GSTA2: variants seen among roughly 807,000 people sequenced by gnomAD.
GSTA2 encodes the protein glutathione S-transferase A2.
GSTA2 carries 27 observed loss-of-function variants against 22.4 expected under a neutral mutation model. The ratio of observed to expected loss-of-function variants is 1.21; its 90% confidence interval spans 0.89 to 1.67. The LOEUF (loss-of-function observed/expected upper bound fraction) is 1.67, where lower values mean the gene tolerates loss of function less well. Among genes scored for constraint, GSTA2 ranks in the 40% most tolerant of loss-of-function variants. The pLI, the probability that GSTA2 is intolerant of heterozygous loss-of-function variation, is 0.00. For synonymous variants in GSTA2, 121 were observed against 86.8 expected, an observed-to-expected ratio of 1.39 and a Z score of -2.19; for missense variants, 302 against 260.2, an observed-to-expected ratio of 1.16 and a Z score of -1.11.
intron 5 of GSTA2, 66 bp from the exon 6 acceptor site, chr6:52,751,774 A>G (rs1410079184): frequency 3.0e-5 from 49 of 1,611,654 alleles, no homozygotes; most frequent in Non-Finnish European, 3.6e-5. Flanking sequence ...TGCTTCTTTC[A>G]GAGCCTCTCC....
chr6:52,754,602 T>C (rs1432529595), intron 4 of GSTA2, among the ~76,000 whole-genome samples: 1 of 152,174 alleles, frequency 6.6e-6, no homozygotes, highest in African/African-American at 2.4e-5. Context: ...TCTATGCCTG[T>C]CCTAAGCCAT....
intron 1 of GSTA2, among the ~76,000 whole-genome samples, chr6:52,760,697 C>T (rs1480471371): frequency 6.6e-6 from 1 of 152,132 alleles, no homozygotes; most frequent in Non-Finnish European, 1.5e-5. Flanking sequence ...TTGTATTTTC[C>T]TATTCAATGT....
At chr6:52,760,662 C>T (rs955012474) in intron 1 of GSTA2, among the ~76,000 whole-genome samples, 1 of 152,154 alleles carries the variant, frequency 6.6e-6, no homozygotes, top group South Asian at 2.1e-4. Context: ...TAACCTGGCT[C>T]TCAGCTCCTG....
At chr6:52,752,833 A>C in intron 5 of GSTA2, 21 bp downstream of exon 5, 1 of 1,613,092 alleles carries the variant, frequency 6.2e-7, no homozygotes, top group Non-Finnish European at 8.5e-7. Context: ...GTTCCCCAAA[A>C]CACTGAACAG....
Position 52,756,237 on chromosome 6 carries a change from A to G in GSTA2, c.139+21T>C, listed in dbSNP as rs1396692658. 8 of 1,580,530 alleles carry G rather than the reference A, an allele frequency of 5.1e-6. No homozygotes were observed. In the African/African-American group the frequency reaches 5.4e-5, roughly 11 times the overall value. ...CTTCTACTAGATACCCTCATTAGAG[A>G]AACTTAGAGGTTGATCTTACCATTT... On this transcript the variant is annotated intron_variant, in intron 3 of 6. Coordinates refer to ENST00000493422, the MANE Select transcript of GSTA2 (RefSeq NM_000846.5).
intron 5 of GSTA2, among the ~76,000 whole-genome samples, chr6:52,752,028 G>T (rs1762747942): frequency 6.6e-6 from 1 of 152,138 alleles, no homozygotes; most frequent in Admixed American, 6.5e-5. Flanking sequence ...TCTGCCCCAG[G>T]CCCTGCAGTG....
chr6:52,762,569 C>A (rs1467243391), intron 1 of GSTA2, among the ~76,000 whole-genome samples: 1 of 152,202 alleles, frequency 6.6e-6, no homozygotes, highest in Non-Finnish European at 1.5e-5. Flanking sequence ...CCACTATTAT[C>A]CTATTGTCCT....
At position 52,756,444 on chromosome 6, in the gene GSTA2, A is replaced by G. The variant is rs142807245; in HGVS notation, c.88-135T>C. 6.7e-3 allele frequency: 4,452 copies of G among 661,226 alleles called. 149 individuals carry two copies. The African/African-American group carries it at 0.07, about 10-fold the overall frequency. The allele number at this position is 661,226 out of a possible 1,614,324, so 41.0% of individuals were successfully genotyped here. A position where few individuals can be genotyped will look rare whatever the true frequency, so the allele number is the denominator to read the frequency against. ...TTTGGCAGGGTACACAGAGGGGGCT[A>G]GTCATGGCCATTTGGAAATTTAGAC... On this transcript the variant is annotated intron_variant, in intron 2 of 6. Coordinates refer to ENST00000493422, the MANE Select transcript of GSTA2 (RefSeq NM_000846.5).
intron 6 of GSTA2, among the ~76,000 whole-genome samples, chr6:52,751,055 A>G (rs141575074): frequency 1.3e-5 from 2 of 152,336 alleles, no homozygotes; most frequent in African/African-American, 4.8e-5. Flanking sequence ...TGGGAAAATG[A>G]GTTGGAAAGG....
chr6:52,754,598 C>T (rs73740525), intron 4 of GSTA2, among the ~76,000 whole-genome samples: 2,677 of 152,256 alleles, frequency 0.018, 88 homozygotes, highest in African/African-American at 0.06. Flanking sequence ...ATATTCTATG[C>T]CTGTCCTAAG....
In GSTA2 at chr6:52,751,727, C is replaced by T. The variant is rs1169180632; in HGVS notation, c.415-19G>A. ...TTAAGACCTGGAGAATGGGAGGAAT[C>T]AGATCAGGAACACATGCCCACCCAG... On this transcript the variant is annotated intron_variant, in intron 5 of 6. Coordinates refer to ENST00000493422, the MANE Select transcript of GSTA2 (RefSeq NM_000846.5). 4.3e-6 allele frequency: 7 copies of T among 1,613,972 alleles called. No homozygotes were observed. The highest frequency in any genetic ancestry group is 5.9e-6 in the Non-Finnish European group (7 of 1,179,946).
chr6:52,753,280 GGTCACA>G (rs1762779521), intron 4 of GSTA2, among the ~76,000 whole-genome samples: 1 of 152,086 alleles, frequency 6.6e-6, no homozygotes, highest in African/African-American at 2.4e-5. Flanking sequence ...GATCATCGGT[GGTCACA>G]GTCATGAGAG....
intron 1 of GSTA2, among the ~76,000 whole-genome samples, chr6:52,761,158 A>G (rs574715358): frequency 6.6e-6 from 1 of 152,192 alleles, no homozygotes; most frequent in Non-Finnish European, 1.5e-5. Flanking sequence ...TGAGAAAGTT[A>G]AATGAGATAA....
intron 3 of GSTA2, 31 bp from the exon 4 acceptor site, chr6:52,755,106 A>C (rs1337304073): frequency 6.2e-7 from 1 of 1,613,602 alleles, no homozygotes; most frequent in Admixed American, 1.7e-5. Context: ...AGGAGAGTGA[A>C]GTGTCTATGA....
chr6:52,759,131 C>T (rs1220218344), intron 1 of GSTA2, among the ~76,000 whole-genome samples: 2 of 152,136 alleles, frequency 1.3e-5, no homozygotes, highest in African/African-American at 4.8e-5. Flanking sequence ...TATCAGTGAG[C>T]ATGACATGTT....
intron 4 of GSTA2, among the ~76,000 whole-genome samples, chr6:52,753,519 T>G (rs569002852): frequency 1.3e-5 from 2 of 152,326 alleles, no homozygotes; most frequent in African/African-American, 4.8e-5. Context: ...ATATTTGCAG[T>G]TCTTCCAATT....
chr6:52,763,430 A>T lies in GSTA2; in HGVS notation c.-31+14T>A, dbSNP rs935681860. ...GTGAGGCAATGTAGAGAGATTTATA[A>T]GATCAGTACTTACTTTGTTAAATGC... On this transcript the variant is annotated intron_variant, in intron 1 of 6. Transcript: ENST00000493422. 3 of 181,366 alleles carry T rather than the reference A, an allele frequency of 1.7e-5. No individual in the cohort carries two copies. Among genetic ancestry groups the T allele is most frequent in the African/African-American group, 2.4e-5 (1 of 42,458 alleles). The allele number at this position is 181,366 out of a possible 1,614,324, so 11.2% of individuals were successfully genotyped here.
chr6:52,755,218 T>TTTC (rs1762818073), intron 3 of GSTA2, 143 bp from the exon 4 acceptor site: 1 of 924,092 alleles, frequency 1.1e-6, no homozygotes, highest in African/African-American at 1.9e-5. Context: ...GAAACAACTT[T>TTTC]TTTTTTTTTT....
rs70977382 is a variant in GSTA2 at position 52,759,563 on chromosome 6, G to GTTTTTTT, written c.-30-1593_-30-1587dup. On this transcript the variant is annotated intron_variant, in intron 1 of 6. Transcript: ENST00000493422. ...CCTTTAACAACTAATGTATTTATTT[G>GTTTTTTT]TTTTTTTTTTTTTTTTTTTTTTTTT... 4.8e-3 allele frequency among the ~76,000 whole-genome samples: 165 copies of GTTTTTTT among 34,192 alleles called. 45 individuals carry two copies. Among genetic ancestry groups the GTTTTTTT allele is most frequent in the Non-Finnish European group, 7.6e-3 (126 of 16,552 alleles). The allele number at this position is 34,192 out of a possible 152,430, so 22.4% of individuals were successfully genotyped here.
Sources: gnomAD v4.1 joint callset for allele counts (sites outside exome capture counted in the v4.1 genomes callset) on GRCh38, gnomAD v4.1.1 for gene constraint, MANE v1.5 for transcripts, NCBI Gene and HGNC (gene_info 2026-07-23, HGNC 2026-07-21) for gene names.